Variants in EI24 observed in about 807,000 individuals in gnomAD.
EI24 encodes EI24 autophagy associated transmembrane protein, also known as etoposide-induced protein 2.4 homolog.
EI24 carries 21 observed loss-of-function variants against 48.6 expected under a neutral mutation model. The ratio of observed to expected loss-of-function variants is 0.43; its 90% confidence interval spans 0.31 to 0.62. The LOEUF is 0.62. EI24 is among the 20% of genes least tolerant of loss of function. The pLI is 0.10. For synonymous variants in EI24, 114 were observed against 145.5 expected (o/e 0.78, Z 1.56); for missense variants, 280 against 410.5 (o/e 0.68, Z 2.75).
At chr11:125,573,074 T>G (rs1166031840) in intron 2 of EI24, among the ~76,000 whole-genome samples, 1 of 152,134 alleles carries the variant, frequency 6.6e-6, no homozygotes, top group Non-Finnish European at 1.5e-5. Context: ...ATTTAAAAAT[T>G]TTTCTGTTAA....
intron 3 of EI24, chr11:125,575,878 TC>T: frequency 2.4e-6 from 1 of 412,090 alleles, no homozygotes. Context: ...AGCCTCTGCC[TC>T]CCAGGTCCAA....
chr11:125,575,226 C>G, intron 2 of EI24, 37 bp from the exon 3 acceptor site: 3 of 1,493,322 alleles, frequency 2.0e-6, no homozygotes, highest in Non-Finnish European at 2.7e-6. Context: ...GACCCTGTCT[C>G]AAATAATAAT....
chr11:125,582,543 T>A, intron 10 of EI24, 123 bp downstream of exon 10: 1 of 729,108 alleles, frequency 1.4e-6, no homozygotes, highest in Non-Finnish European at 2.1e-6. Context: ...ATATAAGGTT[T>A]AATGAGAGAG....
chr11:125,580,029 G>T, intron 7 of EI24, 64 bp from the exon 8 acceptor site: 1 of 1,268,800 alleles, frequency 7.9e-7, no homozygotes, highest in South Asian at 1.2e-5. Flanking sequence ...ATTGGAGAGT[G>T]ACAGGTGAAT....
At chr11:125,570,920 G>A (rs948800088) in intron 1 of EI24, among the ~76,000 whole-genome samples, 3 of 152,128 alleles carry the variant, frequency 2.0e-5, no homozygotes, top group Admixed American at 6.6e-5. Flanking sequence ...CTGTACCTAC[G>A]CGACTGGAAC....
intron 8 of EI24, 113 bp downstream of exon 8, chr11:125,580,317 G>A (rs1370803155): frequency 2.5e-6 from 2 of 787,126 alleles, no homozygotes; most frequent in Non-Finnish European, 4.3e-6. Flanking sequence ...TCCTTTGAGG[G>A]AAGCAGCCTC....
At chr11:125,575,135 G>A (rs1161093675) in intron 2 of EI24, 128 bp from the exon 3 acceptor site, 1 of 770,452 alleles carries the variant, frequency 1.3e-6, no homozygotes, top group Non-Finnish European at 1.9e-6. Flanking sequence ...GCTGAGGCAG[G>A]AGGATCATTT....
In EI24 at chr11:125,575,341, C is replaced by T. The variant is rs143089007; in HGVS notation, c.121C>T (p.Arg41Cys). The part of the protein sequence containing the change: ...ARIQQKREEQ[R>C]RRRASSVLAQ... ...AATCCAGCAAAAGAGAGAGGAGCAG[C>T]GTCGAAGAAGGGCAAGTAGTGTCTT... The change falls in exon 3 of 11, where the codon CGT (arginine) becomes TGT (cysteine). Residue 41 changes from arginine (R) to cysteine (C), a missense_variant. Around this residue, in one of 3 missense-constraint regions of EI24, gnomAD observed 204 missense variants for 294.1 expected, o/e 0.69. Coordinates refer to ENST00000278903, the MANE Select transcript of EI24 (RefSeq NM_004879.5). 3.3e-4 allele frequency: 523 copies of T among 1,579,728 alleles called. 3 individuals are homozygous for T. In the African/African-American group the frequency reaches 6.2e-3, roughly 19 times the overall value.
At chr11:125,577,045 G>A (rs1938777101) in intron 4 of EI24, among the ~76,000 whole-genome samples, 1 of 152,038 alleles carries the variant, frequency 6.6e-6, no homozygotes, top group Admixed American at 6.6e-5. Flanking sequence ...AATAGAAATG[G>A]ATCCAGTTTT....
intron 7 of EI24, 85 bp from the exon 8 acceptor site, chr11:125,580,008 C>A: frequency 9.1e-7 from 1 of 1,099,134 alleles, no homozygotes. Context: ...AGGAAGCTAT[C>A]TCAGACAGTG....
chr11:125,581,122 C>T (rs575135185), intron 8 of EI24, 89 bp from the exon 9 acceptor site: 1 of 453,698 alleles, frequency 2.2e-6, no homozygotes, highest in Non-Finnish European at 3.7e-6. Flanking sequence ...AAATCTGTAC[C>T]TAAAACTCAT....
At chr11:125,582,282 T>G in intron 9 of EI24, 64 bp from the exon 10 acceptor site, 2 of 1,397,734 alleles carry the variant, frequency 1.4e-6, no homozygotes, top group South Asian at 1.4e-5. Flanking sequence ...GCTTCTAATA[T>G]CTTCTTCAAA....
At chr11:125,575,229 A>G (rs1311095878) in intron 2 of EI24, 34 bp from the exon 3 acceptor site, 41 of 1,281,822 alleles carry the variant, frequency 3.2e-5, no homozygotes, top group Non-Finnish European at 4.3e-5. Flanking sequence ...CCTGTCTCAA[A>G]TAATAATAAT....
Position 125,577,536 on chromosome 11 carries a change from T to A in EI24, c.282T>A (p.Ile94=). ...TCCTCTTGTTTTATCGAGTATTTATTCCTGTGCTTCAGTCGGTAACAGCCC... is the reference window on the plus strand; with the variant it reads ...TCCTCTTGTTTTATCGAGTATTTATACCTGTGCTTCAGTCGGTAACAGCCC... The part of the protein sequence containing the change: ...FSLLLFYRVF[I]PVLQSVTARI... The change falls in exon 5 of 11, where the codon ATT becomes ATA. Residue 94 remains isoleucine, a synonymous_variant. Coordinates refer to ENST00000278903, the MANE Select transcript of EI24 (RefSeq NM_004879.5). 1 of 1,614,026 alleles carries A rather than the reference T, an allele frequency of 6.2e-7. No homozygotes were observed. Among genetic ancestry groups the A allele is most frequent in the Non-Finnish European group, 8.5e-7 (1 of 1,179,886 alleles).
intron 3 of EI24, chr11:125,575,804 C>G: frequency 8.5e-6 from 2 of 235,704 alleles, no homozygotes; most frequent in Non-Finnish European, 8.4e-6. Context: ...TTTTTTGAGA[C>G]GGATTCTTGC....
intron 2 of EI24, chr11:125,573,397 A>G (rs1938601595): frequency 5.7e-6 from 1 of 176,050 alleles, no homozygotes; most frequent in Non-Finnish European, 1.3e-5. Context: ...CTAGCATGAA[A>G]GAGGCCAATT....
In EI24 at chr11:125,583,779, G is replaced by A. The variant is rs1265234810; in HGVS notation, c.*96G>A. On this transcript the variant is annotated 3_prime_UTR_variant, in exon 11 of 11. Coordinates refer to ENST00000278903, the MANE Select transcript of EI24 (RefSeq NM_004879.5). ...CCGCCTGCCAGGGAAGGCAGGACCC[G>A]CTCTGCCAAGGGCCCTCTGCGTATT... 15 of 1,518,064 alleles carry A rather than the reference G, an allele frequency of 9.9e-6. No individual in the cohort carries two copies. Among genetic ancestry groups the A allele is most frequent in the South Asian group, 4.8e-5 (4 of 82,686 alleles). The allele number at this position is 1,518,064 out of a possible 1,614,324, so 94.0% of individuals were successfully genotyped here.
At chr11:125,569,784 CTGTGTGACCCGGAGCG>C (rs1198093326) in intron 1 of EI24, 19 of 285,008 alleles carry the variant, frequency 6.7e-5, no homozygotes, top group Non-Finnish European at 1.2e-4. Flanking sequence ...CTTTAGCTCC[CTGTGTGACCCGGAGCG>C]TGCGTGATCC....
In EI24 at chr11:125,578,960, C is replaced by T. The variant is rs1938870679; in HGVS notation, c.453C>T (p.Asp151=). ...TTTCTCTGTTACAGGATATAGCTGA[C>T]CTGGCATTTGAGGTATCAGGGAGGA... is the stretch of plus-strand genomic sequence containing the variant. ...VNAIWFQDIA[D]LAFEVSGRKP... Residue 151 remains aspartate, a synonymous_variant, in exon 7 of 11, where the codon GAC becomes GAT. Coordinates refer to ENST00000278903, the MANE Select transcript of EI24 (RefSeq NM_004879.5). 6.3e-7 allele frequency: 1 copy of T among 1,585,912 alleles called. No homozygotes were observed. Among genetic ancestry groups the T allele is most frequent in the African/African-American group, 1.3e-5 (1 of 74,712 alleles).
Sources: gnomAD v4.1 joint callset for allele counts (sites outside exome capture counted in the v4.1 genomes callset) on GRCh38, gnomAD v4.1.1 for gene constraint, gnomAD v4.1.1 regional missense constraint, MANE v1.5 for transcripts, NCBI Gene and HGNC (gene_info 2026-07-23, HGNC 2026-07-21) for gene names.